The following DEPTOR variants were observed in gnomAD, a reference collection of about 807,000 sequenced individuals.
DEPTOR encodes DEP domain containing MTOR interacting protein.
A neutral mutation model predicts 41.6 loss-of-function variants in DEPTOR; 41 were observed. That is an observed-to-expected ratio of 0.98 (90% CI 0.77 to 1.28). DEPTOR has a LOEUF of 1.28. Among genes scored for constraint, DEPTOR ranks in the 50% most tolerant of loss-of-function variants. The probability of loss-of-function intolerance (pLI) is 0.00; values close to 1 mark genes in which losing one functional copy is unlikely to be tolerated. For synonymous variants in DEPTOR, 195 were observed against 192.3 expected, an observed-to-expected ratio of 1.01 and a Z score of -0.12; for missense variants, 514 against 527.9, an observed-to-expected ratio of 0.97 and a Z score of 0.26.
intron 1 of DEPTOR, among the ~76,000 whole-genome samples, chr8:119,894,640 C>T (rs1827493016): frequency 6.6e-6 from 1 of 152,036 alleles, no homozygotes; most frequent in African/African-American, 2.4e-5. Context: ...TCATGATCTG[C>T]CCACCTCTGC....
At chr8:119,999,867 C>T (rs1812321620) in intron 4 of DEPTOR, among the ~76,000 whole-genome samples, 1 of 152,108 alleles carries the variant, frequency 6.6e-6, no homozygotes, top group African/African-American at 2.4e-5. Context: ...AGTTCTTCTG[C>T]CATGATTGTT....
At chr8:120,022,844 C>T (rs1457489925) in intron 8 of DEPTOR, among the ~76,000 whole-genome samples, 1 of 152,012 alleles carries the variant, frequency 6.6e-6, no homozygotes, top group Non-Finnish European at 1.5e-5. Context: ...CTGAAACTGC[C>T]CCCACTTGTA....
chr8:119,942,505 C>T (rs942376239), intron 3 of DEPTOR, among the ~76,000 whole-genome samples: 1 of 152,126 alleles, frequency 6.6e-6, no homozygotes, highest in African/African-American at 2.4e-5. Flanking sequence ...CGCGTCCGGC[C>T]GTGACTTGAT....
chr8:119,904,965 CTTTTTTTT>C (rs71304920), intron 1 of DEPTOR, among the ~76,000 whole-genome samples: 28 of 85,972 alleles, frequency 3.3e-4, no homozygotes, highest in East Asian at 5.2e-4. Flanking sequence ...CTAATTTTTG[CTTTTTTTT>C]TTTTTTTTTT....
At chr8:119,930,617 A>G (rs1828030400) in intron 3 of DEPTOR, among the ~76,000 whole-genome samples, 1 of 152,198 alleles carries the variant, frequency 6.6e-6, no homozygotes, top group African/African-American at 2.4e-5. Context: ...CATCGAGAGC[A>G]GGGGAATTGG....
At chr8:119,991,062 CTTTCTTTCTTTCTTTCTTTCTTTCTT>C (rs767256222) in intron 4 of DEPTOR, among the ~76,000 whole-genome samples, 4,822 of 64,586 alleles carry the variant, frequency 0.075, 210 homozygotes, top group African/African-American at 0.11. Flanking sequence ...TTCTTTCTTT[CTTTCTTTCTTTCTTTCTTTCTTTCTT>C]TTTCTTTCTT....
chr8:119,926,342 ACTCAAAGTGT>A (rs1373183926), intron 1 of DEPTOR, among the ~76,000 whole-genome samples: 1 of 152,154 alleles, frequency 6.6e-6, no homozygotes, highest in Non-Finnish European at 1.5e-5. Flanking sequence ...AGCCCTAAGG[ACTCAAAGTGT>A]CTTCTGGCAT....
At chr8:119,933,755 G>A (rs1436889066) in intron 3 of DEPTOR, among the ~76,000 whole-genome samples, 1 of 152,082 alleles carries the variant, frequency 6.6e-6, no homozygotes, top group Non-Finnish European at 1.5e-5. Context: ...CGTATTGTCA[G>A]TATTTCTTTT....
chr8:119,887,731 C>G (rs1586599086), intron 1 of DEPTOR, among the ~76,000 whole-genome samples: 1 of 150,900 alleles, frequency 6.6e-6, no homozygotes, highest in African/African-American at 2.5e-5. Context: ...AACCCCTGAC[C>G]TGACCTCAAG....
chr8:119,954,156 T>C (rs528570335), intron 3 of DEPTOR, among the ~76,000 whole-genome samples: 1 of 151,926 alleles, frequency 6.6e-6, no homozygotes, highest in African/African-American at 2.4e-5. Context: ...TTTTTTTTTT[T>C]TTTTGGAGAC....
chr8:120,034,489 C>T (rs1231210251), intron 8 of DEPTOR, among the ~76,000 whole-genome samples: 1 of 130,002 alleles, frequency 7.7e-6, no homozygotes, highest in African/African-American at 3.0e-5. Context: ...GCTCTGCTGC[C>T]CAGGCTGGAG....
chr8:120,015,649 G>GTAATA lies in DEPTOR; in HGVS notation c.1101+6516_1101+6517insTAATA, dbSNP rs1812597354. Among the ~76,000 whole-genome samples, 8 of 152,146 alleles carry GTAATA rather than the reference G, an allele frequency of 5.3e-5. No homozygotes were observed. In the South Asian group the frequency reaches 1.2e-3, roughly 24 times the overall value. ...GTTTTAAGAAGTAGAGAGTCTAATA[G>GTAATA]GCAAGAAAGATGGGAGGAGGCCGAA... On this transcript the variant is annotated intron_variant, in intron 8 of 8. Coordinates refer to ENST00000286234, the MANE Select transcript of DEPTOR (RefSeq NM_022783.4).
chr8:119,989,682 G>A (rs1297202398), intron 4 of DEPTOR, among the ~76,000 whole-genome samples: 1 of 152,206 alleles, frequency 6.6e-6, no homozygotes, highest in African/African-American at 2.4e-5. Context: ...CCTGTAATGT[G>A]CTTGGCACAG....
intron 3 of DEPTOR, among the ~76,000 whole-genome samples, chr8:119,941,201 C>G (rs1438836200): frequency 1.3e-5 from 2 of 151,720 alleles, no homozygotes; most frequent in Admixed American, 6.6e-5. Context: ...TGGTGAAACC[C>G]CATCTCTACT....
At chr8:119,930,739 G>C (rs1477205258) in intron 3 of DEPTOR, among the ~76,000 whole-genome samples, 1 of 152,062 alleles carries the variant, frequency 6.6e-6, no homozygotes, top group Admixed American at 6.6e-5. Context: ...TTTTTGGTTG[G>C]TGGGTCTCGA....
intron 8 of DEPTOR, among the ~76,000 whole-genome samples, chr8:120,015,432 CAA>C (rs1812593720): frequency 6.6e-6 from 1 of 152,200 alleles, no homozygotes; most frequent in African/African-American, 2.4e-5. Flanking sequence ...GCTTAAATGA[CAA>C]ACATTTGTTT....
At position 120,001,637 on chromosome 8, in the gene DEPTOR, G is replaced by A; in HGVS notation, c.717G>A (p.Gln239=). 2 of 1,613,994 alleles carry A rather than the reference G, an allele frequency of 1.2e-6. No homozygotes were observed. The highest frequency in any genetic ancestry group is 1.7e-6 in the Non-Finnish European group (2 of 1,179,984). The change falls in exon 5 of 9, where the codon CAG becomes CAA. Residue 239 remains glutamine (Q), a synonymous_variant. Coordinates refer to ENST00000286234, the MANE Select transcript of DEPTOR (RefSeq NM_022783.4). ...TCAATGAAAAGTCCCCCTCCTCCCA[G>A]GAAACTCATGACAGTCCCTTCTGCC... ...ELLNEKSPSS[Q]ETHDSPFCLR... is the part of the protein sequence containing the mutation.
At chr8:120,047,716 A>T (rs1055971534) in intron 8 of DEPTOR, among the ~76,000 whole-genome samples, 1 of 147,040 alleles carries the variant, frequency 6.8e-6, no homozygotes, top group African/African-American at 2.4e-5. Context: ...TAAAACAAAC[A>T]TGATGTGTGA....
chr8:119,962,637 C>T (rs972847241), intron 3 of DEPTOR, among the ~76,000 whole-genome samples: 2 of 152,106 alleles, frequency 1.3e-5, no homozygotes, highest in Non-Finnish European at 2.9e-5. Context: ...GTATTTTCAA[C>T]AGGGGAAGGA....
Sources: allele counts gnomAD v4.1 joint callset (sites outside exome capture counted in the v4.1 genomes callset), GRCh38; gene constraint gnomAD v4.1.1; transcripts MANE v1.5; gene names NCBI Gene and HGNC (gene_info 2026-07-23, HGNC 2026-07-21).